The following ARFGEF3 variants were observed in gnomAD, a reference collection of about 807,000 sequenced individuals.
ARFGEF3 encodes ARFGEF family member 3, also known as brefeldin A-inhibited guanine nucleotide-exchange protein 3.
In ARFGEF3, 96 loss-of-function variants were observed where a neutral mutation model predicts 221.7. The ratio of observed to expected loss-of-function variants is 0.43; its 90% CI spans 0.37 to 0.51. ARFGEF3 has a LOEUF of 0.51. Among genes scored for constraint, ARFGEF3 ranks in the 20% least tolerant of loss-of-function variants. The pLI is 0.00. For synonymous variants in ARFGEF3, 1,145 were observed against 1,126.8 expected, an observed-to-expected ratio of 1.02 and a Z score of -0.32; for missense variants, 2,410 against 2,789.9, an observed-to-expected ratio of 0.86 and a Z score of 3.07.
At chr6:138,215,067 G>A (rs1777813793) in intron 4 of ARFGEF3, among the ~76,000 whole-genome samples, 1 of 152,148 alleles carries the variant, frequency 6.6e-6, no homozygotes, top group African/African-American at 2.4e-5. Context: ...TGTCTGCTTT[G>A]GCAACATTTT....
rs183843750 is a variant in ARFGEF3 at position 138,248,767 on chromosome 6, A to G, written c.665+3176A>G. On this transcript the variant is annotated intron_variant, in intron 8 of 33. Coordinates refer to ENST00000251691, the MANE Select transcript of ARFGEF3 (RefSeq NM_020340.5). ...CTTGAACCAGGGAGGCAGAGGTTGC[A>G]TGAGCTGAGACTGCGCCATTGCACT... Among the ~76,000 whole-genome samples, 429 of 152,272 alleles carry G rather than the reference A, an allele frequency of 2.8e-3. 3 individuals are homozygous for G. The highest frequency in any genetic ancestry group is 6.9e-3 in the Admixed American group (106 of 15,298).
At chr6:138,237,838 G>A (rs1778315515) in intron 5 of ARFGEF3, among the ~76,000 whole-genome samples, 1 of 152,168 alleles carries the variant, frequency 6.6e-6, no homozygotes, top group African/African-American at 2.4e-5. Flanking sequence ...AACTCTATTA[G>A]CAGAGTTTGC....
rs374820233 is a variant in ARFGEF3, at chr6:138,261,404, G to C, written c.1105-123G>C. Reference sequence around the variant, plus strand: ...AAGATTGGAAGTTCCAAATAATTCTGTTTCTCCTTATACTATATCACTCAG... The same window carrying C: ...AAGATTGGAAGTTCCAAATAATTCTCTTTCTCCTTATACTATATCACTCAG... On this transcript the variant is annotated intron_variant, in intron 10 of 33. Coordinates refer to ENST00000251691, the MANE Select transcript of ARFGEF3 (RefSeq NM_020340.5). 5.5e-5 allele frequency: 29 copies of C among 527,706 alleles called. 2 individuals carry two copies. Among genetic ancestry groups the C allele is most frequent in the Admixed American group, 2.3e-4 (7 of 30,152 alleles). 32.7% of individuals were successfully genotyped at this position (527,706 alleles called of 1,614,324 possible).
intron 1 of ARFGEF3, among the ~76,000 whole-genome samples, chr6:138,166,342 C>T (rs1190329084): frequency 3.3e-5 from 5 of 152,152 alleles, no homozygotes; most frequent in Non-Finnish European, 5.9e-5. Flanking sequence ...TCTCCCTATC[C>T]GGAGATAACA....
intron 21 of ARFGEF3, among the ~76,000 whole-genome samples, chr6:138,298,292 T>A (rs559130892): frequency 9.8e-5 from 15 of 152,314 alleles, no homozygotes; most frequent in Admixed American, 8.5e-4. Flanking sequence ...CTAGACTGGG[T>A]TCTGGTGTCT....
chr6:138,314,045 A>T (rs1315835539), intron 26 of ARFGEF3, 106 bp downstream of exon 26: 3 of 1,153,512 alleles, frequency 2.6e-6, no homozygotes, highest in Non-Finnish European at 3.7e-6. Context: ...GTCTTAGTCC[A>T]TTTTGTGCTG....
chr6:138,307,759 C>T (rs1475144733), intron 23 of ARFGEF3, among the ~76,000 whole-genome samples: 2 of 152,138 alleles, frequency 1.3e-5, no homozygotes, highest in Non-Finnish European at 2.9e-5. Context: ...TAGGGAGATT[C>T]GGTCTGCTGG....
chr6:138,235,633 T>C (rs1034411216), intron 5 of ARFGEF3, among the ~76,000 whole-genome samples: 2 of 152,194 alleles, frequency 1.3e-5, no homozygotes, highest in African/African-American at 4.8e-5. Flanking sequence ...TAGTTGGTCT[T>C]GAATACAATG....
Position 138,262,838 on chromosome 6 carries a change from A to G in ARFGEF3, c.1355A>G (p.Gln452Arg), listed in dbSNP as rs369655207. 1.9e-6 allele frequency: 3 copies of G among 1,613,928 alleles called. No homozygotes were observed. In the Admixed American group the frequency reaches 5.0e-5, roughly 27 times the overall value. The stretch of plus-strand genomic sequence containing the variant: ...AAGGGCTTGAGCGAAGGTCAGGTGC[A>G]ACTGCTGCTTCTGCGCCTTGAGGAG... The part of the protein sequence containing the change: ...QGKGLSEGQV[Q>R]LLLLRLEELK... Residue 452 changes from glutamine (Q) to arginine (R), a missense_variant, in exon 12 of 34, where the codon CAA (glutamine) becomes CGA (arginine). Around this residue, in one of 5 missense-constraint regions of ARFGEF3, gnomAD observed 570 missense variants for 586.9 expected, o/e 0.97. Transcript: ENST00000251691.
chr6:138,336,640 A>T lies in ARFGEF3; in HGVS notation c.*154A>T. On this transcript the variant is annotated 3_prime_UTR_variant, in exon 34 of 34. Coordinates refer to ENST00000251691, the MANE Select transcript of ARFGEF3 (RefSeq NM_020340.5). ...CCTAATGTAAAAAGCCTTTCCAACC[A>T]CTGATCAGCATTGGGGCCATACTAA... 1 of 560,572 alleles carries T rather than the reference A, an allele frequency of 1.8e-6. No individual in the cohort carries two copies. Among genetic ancestry groups the T allele is most frequent in the Non-Finnish European group, 3.0e-6 (1 of 329,870 alleles). 34.7% of individuals were successfully genotyped at this position (560,572 alleles called of 1,614,324 possible).
At chr6:138,325,962 T>C (rs1034972787) in intron 31 of ARFGEF3, among the ~76,000 whole-genome samples, 2 of 152,168 alleles carry the variant, frequency 1.3e-5, no homozygotes, top group Non-Finnish European at 2.9e-5. Flanking sequence ...GTTCAAGTGA[T>C]TCTCCTGCCT....
At position 138,262,957 on chromosome 6, in the gene ARFGEF3, C is replaced by T. The variant is rs755539834; in HGVS notation, c.1474C>T (p.Pro492Ser). The T allele has an allele frequency of 1.2e-6, 2 of 1,600,200 alleles. No homozygotes were observed. Residue 492 changes from proline to serine, a missense_variant, in exon 12 of 34, where the codon CCG (proline) becomes TCG (serine). By Grantham distance (74) the Pro-to-Ser change is moderately conservative (BLOSUM62 -1). Around this residue, in one of 5 missense-constraint regions of ARFGEF3, gnomAD observed 594 missense variants for 734.3 expected, o/e 0.81. Transcript: ENST00000251691. Reference sequence around the variant, plus strand: ...GCGAGTGCTGTCCTCAGAACACACGCCGTGGGAGTCAGGGAACGAGAGGAG... The same window carrying T: ...GCGAGTGCTGTCCTCAGAACACACGTCGTGGGAGTCAGGGAACGAGAGGAG... ...QRRVLSSEHT[P>S]WESGNERSLD...
chr6:138,199,295 T>C (rs1318677327), intron 2 of ARFGEF3, among the ~76,000 whole-genome samples: 2 of 152,158 alleles, frequency 1.3e-5, no homozygotes, highest in Non-Finnish European at 2.9e-5. Context: ...AGACCTATGA[T>C]TATGATGTGA....
chr6:138,309,365 T>TC (rs1204387454), intron 24 of ARFGEF3, among the ~76,000 whole-genome samples: 17 of 152,188 alleles, frequency 1.1e-4, no homozygotes, highest in Non-Finnish European at 1.8e-4. Flanking sequence ...AAATTAAGTA[T>TC]AAAATCATCT....
At chr6:138,198,812 A>T (rs1777480530) in intron 2 of ARFGEF3, among the ~76,000 whole-genome samples, 1 of 152,266 alleles carries the variant, frequency 6.6e-6, no homozygotes, top group Non-Finnish European at 1.5e-5. Context: ...TATTTGTTTG[A>T]TGCCTGTCCC....
In ARFGEF3 at chr6:138,285,927, C is replaced by T. The variant is rs1583049379; in HGVS notation, c.2462-19C>T. ...GGAGTGTTTTATTTAGGGAAAACTT[C>T]TTTCTTTTTCCTTGACAGATATTGA... is the stretch of plus-strand genomic sequence containing the variant. On this transcript the variant is annotated intron_variant, in intron 14 of 33. Transcript: ENST00000251691. 1 of 1,552,844 alleles carries T rather than the reference C, an allele frequency of 6.4e-7. No individual in the cohort carries two copies. Among genetic ancestry groups the T allele is most frequent in the Middle Eastern group, 1.7e-4 (1 of 5,946 alleles).
Position 138,334,589 on chromosome 6 carries a change from T to C in ARFGEF3, c.5743T>C (p.Tyr1915His). 1 of 1,613,672 alleles carries C rather than the reference T, an allele frequency of 6.2e-7. No individual in the cohort carries two copies. Among genetic ancestry groups the C allele is most frequent in the Non-Finnish European group, 8.5e-7 (1 of 1,179,890 alleles). ...HKLCMELCNNYIQMHLDLENC... is the reference protein window; with the variant it reads ...HKLCMELCNNHIQMHLDLENC... ...GCTGTGCATGGAACTGTGCAACAAC[T>C]ACATCCAGATGCACTTGGACCTGGA... The change falls in exon 33 of 34, where the codon TAC becomes CAC. Residue 1915 changes from tyrosine (Y) to histidine (H), a missense_variant. By Grantham distance (83) the Tyr-to-His change is moderately conservative. This residue lies in a region of ARFGEF3 where 723 missense variants were observed against 991.9 expected (regional missense o/e 0.73). Transcript: ENST00000251691. The surrounding 1 kb of genome is among the most constrained non-coding windows in gnomAD (Gnocchi z 5.1).
chr6:138,303,661 C>T (rs1779664392), intron 22 of ARFGEF3, among the ~76,000 whole-genome samples: 1 of 151,504 alleles, frequency 6.6e-6, no homozygotes, highest in African/African-American at 2.4e-5. Context: ...AAATTAGCTG[C>T]GTGTGGTGGC....
In ARFGEF3 at chr6:138,162,222, C is replaced by A; in HGVS notation, c.85+51C>A. ...CGGCGGGAGGGCCGCGCGGCCGGGG[C>A]TGAACCCGCGCCTCCGCGCGTGGGG... is the stretch of plus-strand genomic sequence containing the variant. On this transcript the variant is annotated intron_variant, in intron 1 of 33. Coordinates refer to ENST00000251691, the MANE Select transcript of ARFGEF3 (RefSeq NM_020340.5). This position sits in a 1 kb window ranked among gnomAD's most constrained non-coding sequence, Gnocchi z 4.7. 7.0e-7 allele frequency: 1 copy of A among 1,431,308 alleles called. No homozygotes were observed. Among genetic ancestry groups the A allele is most frequent in the Non-Finnish European group, 9.6e-7 (1 of 1,044,220 alleles). 88.7% of individuals were successfully genotyped at this position (1,431,308 alleles called of 1,614,324 possible).
Sources: allele counts gnomAD v4.1 joint callset (sites outside exome capture counted in the v4.1 genomes callset), GRCh38; gene constraint gnomAD v4.1.1; regional missense constraint gnomAD v4.1.1; non-coding constraint Gnocchi (gnomAD v3.1); transcripts MANE v1.5; gene names NCBI Gene and HGNC (gene_info 2026-07-23, HGNC 2026-07-21).